Variants in SLC10A7 observed in about 807,000 individuals in gnomAD.
SLC10A7 encodes the protein sodium/bile acid cotransporter 7.
Under a neutral mutation model 43.2 loss-of-function variants are expected in SLC10A7, and 29 were observed. The ratio of observed to expected loss-of-function variants is 0.67; its 90% confidence interval spans 0.50 to 0.92. The LOEUF (loss-of-function observed/expected upper bound fraction) is 0.92, where lower values mean the gene tolerates loss of function less well. Ranked by LOEUF, SLC10A7 falls within the 40% of genes least tolerant of loss-of-function variation. The pLI is 0.00. For missense variants in SLC10A7, 295 were observed against 403.2 expected, an observed-to-expected ratio of 0.73 and a Z score of 2.30; for synonymous variants, 152 against 144.8, an observed-to-expected ratio of 1.05 and a Z score of -0.35.
intron 5 of SLC10A7, among the ~76,000 whole-genome samples, chr4:146,350,399 T>C (rs756677601): frequency 1.4e-5 from 2 of 142,422 alleles, no homozygotes. Context: ...GGAATCTCGC[T>C]GATTGCTAGC....
At chr4:146,443,118 T>C (rs780551802) in intron 4 of SLC10A7, among the ~76,000 whole-genome samples, 3 of 152,222 alleles carry the variant, frequency 2.0e-5, no homozygotes, top group African/African-American at 4.8e-5. Flanking sequence ...ATTGAGACCA[T>C]GTTGCTATTG....
intron 9 of SLC10A7, among the ~76,000 whole-genome samples, chr4:146,290,253 GGCGGA>G (rs1730343582): frequency 6.7e-6 from 1 of 150,158 alleles, no homozygotes; most frequent in African/African-American, 2.5e-5. Context: ...GAACCCAGGA[GGCGGA>G]GCTTGCAGTG....
chr4:146,519,385 T>G (rs1041182824), intron 1 of SLC10A7, among the ~76,000 whole-genome samples: 10 of 148,900 alleles, frequency 6.7e-5, no homozygotes, highest in Non-Finnish European at 1.0e-4. Context: ...CTTAGGCATT[T>G]GTAGTACAAC....
intron 5 of SLC10A7, among the ~76,000 whole-genome samples, chr4:146,392,068 C>T (rs920562581): frequency 6.6e-6 from 1 of 152,178 alleles, no homozygotes; most frequent in Non-Finnish European, 1.5e-5. Context: ...GGAGATACGA[C>T]TTGTCTGCAA....
chr4:146,256,636 C>A, intron 11 of SLC10A7, 116 bp from the exon 12 acceptor site: 1 of 1,156,000 alleles, frequency 8.7e-7, no homozygotes, highest in Non-Finnish European at 1.3e-6. Context: ...ACCCAGATGG[C>A]ATCATATAAC....
intron 5 of SLC10A7, among the ~76,000 whole-genome samples, chr4:146,345,741 C>T (rs1178761926): frequency 6.6e-6 from 1 of 152,080 alleles, no homozygotes; most frequent in East Asian, 1.9e-4. Context: ...AGGGACCATG[C>T]TTATTTTTAC....
chr4:146,384,749 A>T (rs1294863897), intron 5 of SLC10A7, among the ~76,000 whole-genome samples: 1 of 152,032 alleles, frequency 6.6e-6, no homozygotes, highest in Non-Finnish European at 1.5e-5. Flanking sequence ...ATAATCCCCA[A>T]TGTTGGAGGT....
intron 10 of SLC10A7, among the ~76,000 whole-genome samples, chr4:146,278,093 C>CTA (rs2111090482): frequency 6.6e-6 from 1 of 152,152 alleles, no homozygotes; most frequent in Non-Finnish European, 1.5e-5. Context: ...TTTTCATATC[C>CTA]TATAATCCAA....
intron 2 of SLC10A7, among the ~76,000 whole-genome samples, chr4:146,510,638 G>A (rs1046311945): frequency 1.3e-5 from 2 of 152,036 alleles, no homozygotes; most frequent in African/African-American, 4.8e-5. Flanking sequence ...TAAAACTCTG[G>A]ACCAGGACTA....
At chr4:146,399,433 T>C (rs945920626) in intron 5 of SLC10A7, among the ~76,000 whole-genome samples, 1 of 152,170 alleles carries the variant, frequency 6.6e-6, no homozygotes, top group Non-Finnish European at 1.5e-5. Context: ...ACGTTTATAT[T>C]ATTTAAAGAT....
intron 5 of SLC10A7, among the ~76,000 whole-genome samples, chr4:146,346,762 G>T (rs1335319986): frequency 6.6e-6 from 1 of 151,992 alleles, no homozygotes; most frequent in East Asian, 1.9e-4. Context: ...CAAAGATCCA[G>T]GAAACCTATA....
intron 3 of SLC10A7, among the ~76,000 whole-genome samples, chr4:146,504,300 A>C (rs13151354): frequency 0.78 from 119,129 of 151,848 alleles, 47,086 homozygotes; most frequent in East Asian, 0.95. Context: ...TGGGCAGATC[A>C]CGAGGTCAGG....
At chr4:146,467,214 C>T (rs1349540112) in intron 4 of SLC10A7, among the ~76,000 whole-genome samples, 1 of 152,006 alleles carries the variant, frequency 6.6e-6, no homozygotes, top group Admixed American at 6.6e-5. Context: ...GTATACTTAC[C>T]AGATTGTTAG....
At chr4:146,288,490 C>A (rs1730186527) in intron 9 of SLC10A7, among the ~76,000 whole-genome samples, 1 of 152,162 alleles carries the variant, frequency 6.6e-6, no homozygotes, top group African/African-American at 2.4e-5. Context: ...TTGGTTGCCC[C>A]AAACCTTGGT....
intron 5 of SLC10A7, among the ~76,000 whole-genome samples, chr4:146,330,599 C>A (rs1733464182): frequency 6.6e-6 from 1 of 152,126 alleles, no homozygotes; most frequent in East Asian, 1.9e-4. Context: ...TGCATTCATT[C>A]TGACAAGAGC....
intron 4 of SLC10A7, among the ~76,000 whole-genome samples, chr4:146,454,141 T>C (rs916379631): frequency 1.3e-5 from 2 of 151,912 alleles, no homozygotes; most frequent in African/African-American, 4.8e-5. Flanking sequence ...GTTGTTCTAG[T>C]TCTGGGAAGA....
At chr4:146,512,648 T>A (rs1737589123) in intron 2 of SLC10A7, among the ~76,000 whole-genome samples, 1 of 152,274 alleles carries the variant, frequency 6.6e-6, no homozygotes, top group South Asian at 2.1e-4. Context: ...TGGCAACTCA[T>A]TCCTTCATTT....
chr4:146,489,539 G>C (rs1735210785), intron 4 of SLC10A7, among the ~76,000 whole-genome samples: 1 of 152,196 alleles, frequency 6.6e-6, no homozygotes, highest in Admixed American at 6.5e-5. Flanking sequence ...TTACGATTTT[G>C]ATGGCAAGAG....
intron 4 of SLC10A7, among the ~76,000 whole-genome samples, chr4:146,495,799 A>AGAGG (rs1735843479): frequency 1.3e-5 from 2 of 151,898 alleles, no homozygotes; most frequent in South Asian, 4.2e-4. Flanking sequence ...ACACACACAC[A>AGAGG]CACACACACA....
Sources: allele counts gnomAD v4.1 joint callset (sites outside exome capture counted in the v4.1 genomes callset), GRCh38; gene constraint gnomAD v4.1.1; transcripts MANE v1.5; gene names NCBI Gene and HGNC (gene_info 2026-07-23, HGNC 2026-07-21).